PHTF1: variants seen among roughly 807,000 people sequenced by gnomAD.
PHTF1 encodes putative homeodomain transcription factor 1.
A neutral mutation model predicts 102.4 loss-of-function variants in PHTF1; 88 were observed. The observed-to-expected ratio is 0.86, with a 90% CI of 0.72 to 1.03. The LOEUF is 1.03. Ranked by LOEUF, PHTF1 falls within the 50% of genes least tolerant of loss-of-function variation. PHTF1 has a pLI of 0.00. For missense variants in PHTF1, 814 were observed against 909.5 expected (o/e 0.89, Z 1.35); for synonymous variants, 289 against 305.2 (o/e 0.95, Z 0.55).
At position 113,752,371 on chromosome 1, in the gene PHTF1, CATTT is replaced by C. The variant is rs565363163; in HGVS notation, c.102+5324_102+5327del. Among the ~76,000 whole-genome samples, 382 of 109,376 alleles carry C rather than the reference CATTT, an allele frequency of 3.5e-3. 1 individual carries two copies. The highest frequency in any genetic ancestry group is 0.012 in the African/African-American group (332 of 28,592). The allele number at this position is 109,376 out of a possible 152,430, so 71.8% of individuals were successfully genotyped here. On this transcript the variant is annotated intron_variant, in intron 3 of 18. Coordinates refer to ENST00000369604, the MANE Select transcript of PHTF1 (RefSeq NM_001323043.2). ...TTGTATTTGAAGACCTTGCCACATT[CATTT>C]GTTACTGTAATTTTTTTTTTTTTTT... is the stretch of plus-strand genomic sequence containing the variant.
intron 11 of PHTF1, among the ~76,000 whole-genome samples, chr1:113,707,953 A>AT (rs1650467496): frequency 1.2e-5 from 1 of 85,242 alleles, no homozygotes; most frequent in African/African-American, 6.9e-5. Flanking sequence ...ACCTGTATGC[A>AT]TAAGGGCCCA....
In PHTF1 at chr1:113,704,069, T is replaced by G; in HGVS notation, c.1890+12A>C. The G allele has an allele frequency of 6.3e-7, 1 of 1,579,144 alleles. No individual in the cohort carries two copies. The highest frequency in any genetic ancestry group is 8.7e-7 in the Non-Finnish European group (1 of 1,148,670). On this transcript the variant is annotated intron_variant, in intron 15 of 18. Coordinates refer to ENST00000369604, the MANE Select transcript of PHTF1 (RefSeq NM_001323043.2). ...TTTTCATTTTTCCTTAAAGCAGATG[T>G]GAAACTTTTACCTGAGCACAACAAA...
intron 15 of PHTF1, among the ~76,000 whole-genome samples, chr1:113,701,577 A>G (rs1196218774): frequency 2.0e-5 from 3 of 152,036 alleles, no homozygotes; most frequent in African/African-American, 7.2e-5. Context: ...GAAGTCACCA[A>G]GCAGCTGCCC....
chr1:113,710,216 C>A, intron 11 of PHTF1, 38 bp downstream of exon 11: 1 of 1,434,674 alleles, frequency 7.0e-7, no homozygotes, highest in Non-Finnish European at 9.8e-7. Context: ...AGTAAGAACA[C>A]AATAAATACT....
At chr1:113,755,526 T>C (rs1287330228) in intron 3 of PHTF1, among the ~76,000 whole-genome samples, 1 of 152,148 alleles carries the variant, frequency 6.6e-6, no homozygotes, top group East Asian at 1.9e-4. Context: ...AAAGCATACA[T>C]TAAGGCGTGG....
In PHTF1 at chr1:113,733,060, A is replaced by ATTTTTTTT. The variant is rs386368123; in HGVS notation, c.331+5042_331+5049dup. ...TACAGGCTTGCACCACGCCTGGCTA[A>ATTTTTTTT]TTTTTTTTTTTTTTTTTTTTTTTTT... On this transcript the variant is annotated intron_variant, in intron 5 of 18. Coordinates refer to ENST00000369604, the MANE Select transcript of PHTF1 (RefSeq NM_001323043.2). Among the ~76,000 whole-genome samples the ATTTTTTTT allele has an allele frequency of 1.8e-3, 154 of 84,162 alleles. 1 individual carries two copies. Among genetic ancestry groups the ATTTTTTTT allele is most frequent in the Middle Eastern group, 0.01 (1 of 100 alleles). The allele number at this position is 84,162 out of a possible 152,430, so 55.2% of individuals were successfully genotyped here. A position where few individuals can be genotyped will look rare whatever the true frequency, so the allele number is the denominator to read the frequency against.
chr1:113,756,348 CTTG>C (rs1298138689), intron 3 of PHTF1, among the ~76,000 whole-genome samples: 4 of 152,172 alleles, frequency 2.6e-5, no homozygotes, highest in Admixed American at 1.3e-4. Flanking sequence ...TAGTCGGCTA[CTTG>C]TTGTTCAAGT....
At chr1:113,737,442 G>A (rs1480342709) in intron 5 of PHTF1, among the ~76,000 whole-genome samples, 2 of 152,274 alleles carry the variant, frequency 1.3e-5, no homozygotes, top group East Asian at 1.9e-4. Flanking sequence ...ATAGATTTGG[G>A]AATCACCTGT....
chr1:113,697,804 A>C, intron 18 of PHTF1, 79 bp from the exon 19 acceptor site: 1 of 917,974 alleles, frequency 1.1e-6, no homozygotes, highest in Non-Finnish European at 1.8e-6. Context: ...CATGACTATA[A>C]ACTAAGAATC....
intron 7 of PHTF1, chr1:113,713,689 G>A: frequency 2.6e-6 from 1 of 380,058 alleles, no homozygotes; most frequent in African/African-American, 2.1e-5. Context: ...TTTCAGTGTT[G>A]CACAAAAGTA....
At position 113,724,530 on chromosome 1, in the gene PHTF1, G is replaced by A. The variant is rs1653515261; in HGVS notation, c.623+229C>T. ...CACTCCAGCCTGGGTGAGAGAATGA[G>A]ACTCCATTTCAAAAAAAAAAAAAAA... On this transcript the variant is annotated intron_variant, in intron 7 of 18. Coordinates refer to ENST00000369604, the MANE Select transcript of PHTF1 (RefSeq NM_001323043.2). Among the ~76,000 whole-genome samples, 3 of 133,902 alleles carry A rather than the reference G, an allele frequency of 2.2e-5. No homozygotes were observed. The South Asian group carries it at 7.1e-4, about 32-fold the overall frequency. The allele number at this position is 133,902 out of a possible 152,430, so 87.8% of individuals were successfully genotyped here.
chr1:113,741,718 A>C (rs1447286262), intron 3 of PHTF1, among the ~76,000 whole-genome samples: 2 of 152,186 alleles, frequency 1.3e-5, no homozygotes, highest in Admixed American at 1.3e-4. Context: ...TATGTCAGAT[A>C]ATCTGCTTGA....
intron 5 of PHTF1, among the ~76,000 whole-genome samples, chr1:113,736,978 AAAAGATTTTGCTAATTGCTGTGG>A (rs1332990018): frequency 6.6e-6 from 1 of 152,204 alleles, no homozygotes; most frequent in Non-Finnish European, 1.5e-5. Flanking sequence ...TTCTGTTTTT[AAAAGATTTTGCTAATTGCTGTGG>A]AAAGAATGAT....
intron 17 of PHTF1, chr1:113,699,457 C>T: frequency 1.6e-6 from 1 of 626,864 alleles, no homozygotes; most frequent in South Asian, 1.5e-5. Context: ...TCTTCATGTC[C>T]TTGACCAGAT....
At chr1:113,740,744 T>C (rs1349321552) in intron 3 of PHTF1, among the ~76,000 whole-genome samples, 1 of 152,140 alleles carries the variant, frequency 6.6e-6, no homozygotes, top group Non-Finnish European at 1.5e-5. Flanking sequence ...TGGTGAGAAA[T>C]AGTGGCCAGG....
chr1:113,744,265 A>G (rs966970270), intron 3 of PHTF1, among the ~76,000 whole-genome samples: 1 of 152,198 alleles, frequency 6.6e-6, no homozygotes, highest in Non-Finnish European at 1.5e-5. Context: ...CCACTTGACA[A>G]ATGAAGTCCC....
At chr1:113,739,044 G>A (rs1014633825) in intron 3 of PHTF1, among the ~76,000 whole-genome samples, 4 of 152,020 alleles carry the variant, frequency 2.6e-5, no homozygotes, top group Non-Finnish European at 5.9e-5. Flanking sequence ...GTAGAGATGG[G>A]GTTTCACCAT....
chr1:113,756,270 A>G (rs1658865259), intron 3 of PHTF1, among the ~76,000 whole-genome samples: 1 of 152,176 alleles, frequency 6.6e-6, no homozygotes, highest in Admixed American at 6.5e-5. Context: ...AAATCTGGAG[A>G]CTTATTCATC....
At position 113,712,050 on chromosome 1, in the gene PHTF1, C is replaced by T. The variant is rs755789165; in HGVS notation, c.847G>A (p.Ala283Thr). The T allele has an allele frequency of 1.5e-5, 25 of 1,613,982 alleles. No individual in the cohort carries two copies. In the East Asian group the frequency reaches 5.3e-4, roughly 35 times the overall value. The change falls in exon 9 of 19, where the codon GCA becomes ACA. Residue 283 changes from alanine (A) to threonine (T), a missense_variant. By Grantham distance (58) the Ala-to-Thr change is moderately conservative. Coordinates refer to ENST00000369604, the MANE Select transcript of PHTF1 (RefSeq NM_001323043.2). The part of the protein sequence containing the change: ...DDLSSEEDGE[A>T]RTQMILLRRS... ...CGCAATAATATCATCTGTGTCCGTG[C>T]TTCACCATCTTCTTCACTTGACAGG...
Sources: allele counts gnomAD v4.1 joint callset (sites outside exome capture counted in the v4.1 genomes callset), GRCh38; gene constraint gnomAD v4.1.1; transcripts MANE v1.5; gene names NCBI Gene and HGNC (gene_info 2026-07-23, HGNC 2026-07-21).